Variants in DDIAS observed in about 807,000 individuals in gnomAD.
DDIAS encodes the protein DNA damage induced apoptosis suppressor, also known as DNA damage-induced apoptosis suppressor protein.
In DDIAS, 14 loss-of-function variants were observed where a neutral mutation model predicts 15.7. The ratio of observed to expected loss-of-function variants is 0.89; its 90% CI spans 0.59 to 1.39. The LOEUF (loss-of-function observed/expected upper bound fraction) is 1.39, where lower values mean the gene tolerates loss of function less well. DDIAS is among the 40% of genes most tolerant of loss of function. The probability of loss-of-function intolerance (pLI) is 0.00; values close to 1 mark genes in which losing one functional copy is unlikely to be tolerated. For missense variants in DDIAS, 1,035 were observed against 1,130.9 expected, an observed-to-expected ratio of 0.92 and a Z score of 1.22; for synonymous variants, 355 against 395.9, an observed-to-expected ratio of 0.90 and a Z score of 1.23.
chr11:82,928,907 T>C lies in DDIAS; in HGVS notation c.244T>C (p.Phe82Leu). The change falls in exon 4 of 6, where the codon TTT becomes CTT. Residue 82 changes from phenylalanine (F) to leucine (L), a missense_variant. Phe to Leu is a conservative substitution (Grantham distance 22). Transcript: ENST00000533655. ...TGTATTTGGAAGTTGCTTAGATACA[T>C]TTTTTGGTCTTACTGCCACTGGTTT... The part of the protein sequence containing the change: ...ITVFGSCLDT[F>L]FGLTATGLHR... The C allele has an allele frequency of 6.2e-7, 1 of 1,611,336 alleles. No individual in the cohort carries two copies. The highest frequency in any genetic ancestry group is 8.5e-7 in the Non-Finnish European group (1 of 1,179,152).
Position 82,933,610 on chromosome 11 carries a change from T to G in DDIAS, c.2272T>G (p.Ser758Ala). The G allele has an allele frequency of 1.9e-6, 3 of 1,613,840 alleles. 1 individual carries two copies. The South Asian group carries it at 3.3e-5, about 18-fold the overall frequency. The change falls in exon 6 of 6, where the codon TCA becomes GCA. Residue 758 changes from serine to alanine, a missense_variant. Coordinates refer to ENST00000533655, the MANE Select transcript of DDIAS (RefSeq NM_145018.4). ...CSPTPHFQSD[S>A]EYNFENSQDF... The stretch of plus-strand genomic sequence containing the variant: ...TCCAACACCTCATTTTCAATCAGAT[T>G]CAGAATATAATTTTGAAAATAGTCA...
intron 2 of DDIAS, chr11:82,913,920 G>T: frequency 2.3e-6 from 1 of 440,552 alleles, no homozygotes; most frequent in South Asian, 1.6e-5. Context: ...ATAGTCTGAA[G>T]GTAATTTTAT....
chr11:82,930,862 G>A (rs1192706565), intron 5 of DDIAS, among the ~76,000 whole-genome samples: 1 of 152,148 alleles, frequency 6.6e-6, no homozygotes, highest in Non-Finnish European at 1.5e-5. Context: ...TTTTAAAAGA[G>A]GACTCCACAA....
At chr11:82,924,672 A>G (rs766618017) in intron 3 of DDIAS, among the ~76,000 whole-genome samples, 18 of 152,086 alleles carry the variant, frequency 1.2e-4, no homozygotes, top group Non-Finnish European at 2.2e-4. Context: ...AAAATTAGGC[A>G]GGCATCGTGG....
intron 3 of DDIAS, among the ~76,000 whole-genome samples, chr11:82,923,388 A>C (rs1337064234): frequency 6.6e-6 from 1 of 152,250 alleles, no homozygotes; most frequent in Admixed American, 6.5e-5. Flanking sequence ...TTGCTATAGC[A>C]CTGCAAGCTT....
chr11:82,924,892 T>C (rs1315958572), intron 3 of DDIAS, among the ~76,000 whole-genome samples: 1 of 152,168 alleles, frequency 6.6e-6, no homozygotes, highest in East Asian at 1.9e-4. Context: ...ACAAAAAAGA[T>C]AGCAAATTAC....
chr11:82,918,843 G>A (rs916220160), intron 3 of DDIAS, among the ~76,000 whole-genome samples: 1 of 151,650 alleles, frequency 6.6e-6, no homozygotes, highest in African/African-American at 2.4e-5. Flanking sequence ...TTTTGTGTGT[G>A]TGTTTTTGTA....
intron 1 of DDIAS, among the ~76,000 whole-genome samples, chr11:82,912,752 T>G (rs1216865908): frequency 1.3e-5 from 2 of 152,252 alleles, no homozygotes; most frequent in Non-Finnish European, 2.9e-5. Context: ...TTTTGGTCTG[T>G]CTCGGCTATC....
chr11:82,933,274 A>G lies in DDIAS; in HGVS notation c.1936A>G (p.Thr646Ala), dbSNP rs1222164798. 6.2e-7 allele frequency: 1 copy of G among 1,613,548 alleles called. No homozygotes were observed. The highest frequency in any genetic ancestry group is 2.2e-5 in the East Asian group (1 of 44,862). ...TCTTTGCAATAGTCCAAATAGAAGTACAAATACATTGAAAGAAATGCCTTG... is the reference window on the plus strand; with the variant it reads ...TCTTTGCAATAGTCCAAATAGAAGTGCAAATACATTGAAAGAAATGCCTTG... The part of the protein sequence containing the change: ...ETLCNSPNRS[T>A]NTLKEMPWGH... Residue 646 changes from threonine (T) to alanine (A), a missense_variant, in exon 6 of 6, where the codon ACA becomes GCA. By Grantham distance (58) the Thr-to-Ala change is moderately conservative (BLOSUM62 0). Transcript: ENST00000533655.
At chr11:82,905,744 A>C (rs1236599541) in intron 1 of DDIAS, among the ~76,000 whole-genome samples, 2 of 152,146 alleles carry the variant, frequency 1.3e-5, no homozygotes. Context: ...CTGTTTGTCC[A>C]TCAATCACAC....
At chr11:82,910,870 A>G (rs181967150) in intron 1 of DDIAS, among the ~76,000 whole-genome samples, 2 of 152,184 alleles carry the variant, frequency 1.3e-5, no homozygotes, top group African/African-American at 4.8e-5. Context: ...GAACATTGCT[A>G]CAGGCATACC....
intron 3 of DDIAS, among the ~76,000 whole-genome samples, chr11:82,927,233 A>G (rs1016033090): frequency 5.9e-5 from 9 of 152,232 alleles, no homozygotes; most frequent in South Asian, 2.1e-4. Context: ...AGAAATTCCA[A>G]TATATATTTT....
At chr11:82,910,279 C>CTTTTTT (rs71063240) in intron 1 of DDIAS, among the ~76,000 whole-genome samples, 1 of 129,854 alleles carries the variant, frequency 7.7e-6, no homozygotes, top group Non-Finnish European at 1.6e-5. Flanking sequence ...ACAAACCAAC[C>CTTTTTT]TTTTTTTTTT....
chr11:82,934,313 G>C lies in DDIAS; in HGVS notation c.2975G>C (p.Trp992Ser). Residue 992 changes from tryptophan (W) to serine (S), a missense_variant, in exon 6 of 6, where the codon TGG becomes TCG. By Grantham distance (177) the Trp-to-Ser change is radical. Transcript: ENST00000533655. Reference protein sequence around the residue: ...PPSVCETRSAWSPELFS With the variant: ...PPSVCETRSASSPELFS The stretch of plus-strand genomic sequence containing the variant: ...TCAGTGTGTGAAACTCGAAGTGCTT[G>C]GTCACCTGAATTGTTTTCATAAAAA... 3 of 1,595,240 alleles carry C rather than the reference G, an allele frequency of 1.9e-6. No individual in the cohort carries two copies. In the South Asian group the frequency reaches 3.4e-5, roughly 18 times the overall value.
At chr11:82,905,583 A>G (rs1860412041) in intron 1 of DDIAS, among the ~76,000 whole-genome samples, 2 of 152,142 alleles carry the variant, frequency 1.3e-5, no homozygotes, top group South Asian at 4.1e-4. Flanking sequence ...CCCATCAAAA[A>G]CTAAATTAGT....
At chr11:82,905,445 C>T (rs762476521) in intron 1 of DDIAS, among the ~76,000 whole-genome samples, 8 of 151,996 alleles carry the variant, frequency 5.3e-5, no homozygotes, top group Non-Finnish European at 1.0e-4. Context: ...AAAAGCAATA[C>T]ACTTAGAAAA....
intron 3 of DDIAS, among the ~76,000 whole-genome samples, chr11:82,917,895 TAGTG>T (rs1393821438): frequency 6.6e-6 from 1 of 152,286 alleles, no homozygotes; most frequent in East Asian, 1.9e-4. Context: ...CCCTGGTCAT[TAGTG>T]ATGTTGAGCA....
At chr11:82,907,951 G>T (rs1336019016) in intron 1 of DDIAS, among the ~76,000 whole-genome samples, 5 of 152,186 alleles carry the variant, frequency 3.3e-5, no homozygotes, top group Non-Finnish European at 7.3e-5. Context: ...TGAAACTTAG[G>T]CTAGTGATGG....
Position 82,925,421 on chromosome 11 carries a change from AC to A in DDIAS, c.114-3351del, listed in dbSNP as rs532919481. Among the ~76,000 whole-genome samples the A allele has an allele frequency of 1.1e-4, 16 of 152,092 alleles. No homozygotes were observed. The South Asian group carries it at 3.3e-3, about 32-fold the overall frequency. ...AGCCTAGTCAGGGCAACACAGTGAG[AC>A]CCCCATCTCTACAAAAAAATTTAAA... On this transcript the variant is annotated intron_variant, in intron 3 of 5. Coordinates refer to ENST00000533655, the MANE Select transcript of DDIAS (RefSeq NM_145018.4).
Sources: allele counts gnomAD v4.1 joint callset (sites outside exome capture counted in the v4.1 genomes callset), GRCh38; gene constraint gnomAD v4.1.1; transcripts MANE v1.5; gene names NCBI Gene and HGNC (gene_info 2026-07-23, HGNC 2026-07-21).